CELF1: variants seen among roughly 807,000 people sequenced by gnomAD.
CELF1 encodes CUGBP Elav-like family member 1, also known as 50 kDa nuclear polyadenylated RNA-binding protein.
A neutral mutation model predicts 61.8 loss-of-function variants in CELF1; 10 were observed. The ratio of observed to expected loss-of-function variants is 0.16; its 90% confidence interval spans 0.10 to 0.27. The LOEUF is 0.27. Ranked by LOEUF, CELF1 falls within the 10% of genes least tolerant of loss-of-function variation. The probability of loss-of-function intolerance (pLI) is 1.00; values close to 1 mark genes in which losing one functional copy is unlikely to be tolerated. For synonymous variants in CELF1, 236 were observed against 225.1 expected (o/e 1.05, Z -0.43); for missense variants, 380 against 639.1 (o/e 0.59, Z 4.37).
intron 7 of CELF1, among the ~76,000 whole-genome samples, chr11:47,483,997 T>C (rs535848659): frequency 9.9e-5 from 15 of 152,260 alleles, no homozygotes; most frequent in South Asian, 4.1e-4. Context: ...CTGGGCCATA[T>C]TGGCTAGGGA....
chr11:47,504,688 G>C (rs1472437189), intron 1 of CELF1, among the ~76,000 whole-genome samples: 3 of 151,268 alleles, frequency 2.0e-5, no homozygotes, highest in African/African-American at 7.3e-5. Flanking sequence ...GATCACCTAA[G>C]GTCAGGAGTT....
intron 2 of CELF1, among the ~76,000 whole-genome samples, chr11:47,562,430 G>T (rs1051033067): frequency 6.7e-6 from 1 of 148,532 alleles, no homozygotes; most frequent in Non-Finnish European, 1.5e-5. Flanking sequence ...TCAGGAGGCT[G>T]AGGTGGGAGA....
chr11:47,496,025 C>G lies in CELF1; in HGVS notation c.71+3428G>C, dbSNP rs544932301. 222 of 985,122 alleles carry G rather than the reference C, an allele frequency of 2.3e-4. 1 individual carries two copies. The highest frequency in any genetic ancestry group is 5.5e-4 in the Admixed American group (9 of 16,266). 61.0% of individuals were successfully genotyped at this position (985,122 alleles called of 1,614,324 possible). ...CCACCCACCCTTATACAAGGTCCCT[C>G]TGGCTCACATACAGTGCTGTGGAAA... is the stretch of plus-strand genomic sequence containing the variant. On this transcript the variant is annotated intron_variant, in intron 3 of 14. Coordinates refer to ENST00000687097, the MANE Select transcript of CELF1 (RefSeq NM_001376376.1).
intron 3 of CELF1, among the ~76,000 whole-genome samples, chr11:47,489,935 G>GTTTTTTTTTTTGTTTTT (rs2090277384): frequency 2.1e-5 from 1 of 48,226 alleles, no homozygotes; most frequent in Non-Finnish European, 3.9e-5. Flanking sequence ...ATACCATCTT[G>GTTTTTTTTTTTGTTTTT]TTTTTTTTTT....
intron 1 of CELF1, among the ~76,000 whole-genome samples, chr11:47,523,006 T>C (rs1211793433): frequency 6.6e-6 from 1 of 151,966 alleles, no homozygotes; most frequent in Non-Finnish European, 1.5e-5. Flanking sequence ...CCTGTTAGAG[T>C]CCAGTATATC....
upstream of CELF1, among the ~76,000 whole-genome samples, chr11:47,556,437 G>A (rs566736967): frequency 3.3e-5 from 5 of 152,116 alleles, no homozygotes; most frequent in Non-Finnish European, 5.9e-5. Flanking sequence ...CTCCCCACTC[G>A]GCCTTCCGAA....
At chr11:47,515,584 T>G (rs914899696) in intron 1 of CELF1, among the ~76,000 whole-genome samples, 1 of 152,200 alleles carries the variant, frequency 6.6e-6, no homozygotes, top group African/African-American at 2.4e-5. Flanking sequence ...AGGCAGAATG[T>G]GACTAATTTT....
chr11:47,505,496 AGCCG>A (rs1171834916), intron 1 of CELF1, among the ~76,000 whole-genome samples: 2 of 150,720 alleles, frequency 1.3e-5, no homozygotes, highest in African/African-American at 4.9e-5. Flanking sequence ...CAAAAAAATT[AGCCG>A]GCCATGGTGG....
In CELF1 at chr11:47,470,729, TCC is replaced by T; in HGVS notation, c.*1499_*1500del. On this transcript the variant is annotated 3_prime_UTR_variant, in exon 15 of 15. Coordinates refer to ENST00000687097, the MANE Select transcript of CELF1 (RefSeq NM_001376376.1). ...AGATTCCAGAGACCCAGGGATCCCA[TCC>T]CTGGCTGTGGCTACAGTCACATCTT... 6.6e-6 allele frequency: 1 copy of T among 152,102 alleles called. No individual in the cohort carries two copies. The highest frequency in any genetic ancestry group is 1.5e-5 in the Non-Finnish European group (1 of 68,022). The allele number at this position is 152,102 out of a possible 1,614,324, so 9.4% of individuals were successfully genotyped here. A position where few individuals can be genotyped will look rare whatever the true frequency, so the allele number is the denominator to read the frequency against.
In CELF1 at chr11:47,466,810, G is replaced by A. The variant is rs536704719; in HGVS notation, c.*5420C>T. On this transcript the variant is annotated 3_prime_UTR_variant, in exon 15 of 15. Coordinates refer to ENST00000687097, the MANE Select transcript of CELF1 (RefSeq NM_001376376.1). Reference sequence around the variant, plus strand: ...TGCTTCTCAATACACAGGAAGGGGAGCCTCAGTGCCTCCTGCCAACAGAGG... The same window carrying A: ...TGCTTCTCAATACACAGGAAGGGGAACCTCAGTGCCTCCTGCCAACAGAGG... 1.3e-5 allele frequency: 2 copies of A among 152,346 alleles called. No homozygotes were observed. The highest frequency in any genetic ancestry group is 3.9e-4 in the East Asian group (2 of 5,188). The allele number at this position is 152,346 out of a possible 1,614,324, so 9.4% of individuals were successfully genotyped here. A position where few individuals can be genotyped will look rare whatever the true frequency, so the allele number is the denominator to read the frequency against.
rs544458768 is a variant in CELF1 at position 47,537,245 on chromosome 11, ATTT to A, written c.-154+15744_-154+15746del. Among the ~76,000 whole-genome samples the A allele has an allele frequency of 2.2e-4, 30 of 134,054 alleles. No homozygotes were observed. In the South Asian group the frequency reaches 4.0e-3, roughly 18 times the overall value. The allele number at this position is 134,054 out of a possible 152,430, so 87.9% of individuals were successfully genotyped here. A position where few individuals can be genotyped will look rare whatever the true frequency, so the allele number is the denominator to read the frequency against. ...GCTCCACAAGGTTTTTACCATACAAATTTTTTTTTTTTTTTTTTTTGGGACAGA... is the reference window on the plus strand; with the variant it reads ...GCTCCACAAGGTTTTTACCATACAAATTTTTTTTTTTTTTTTTGGGACAGA... On this transcript the variant is annotated intron_variant, in intron 1 of 14. Coordinates refer to ENST00000687097, the MANE Select transcript of CELF1 (RefSeq NM_001376376.1).
At chr11:47,549,771 A>G (rs1235268832) in intron 1 of CELF1, among the ~76,000 whole-genome samples, 1 of 152,018 alleles carries the variant, frequency 6.6e-6, no homozygotes, top group African/African-American at 2.4e-5. Context: ...ACTTAATGTC[A>G]CAGAACACTT....
At chr11:47,485,069 C>T (rs1043577834) in intron 6 of CELF1, among the ~76,000 whole-genome samples, 2 of 152,306 alleles carry the variant, frequency 1.3e-5, no homozygotes, top group South Asian at 4.1e-4. Context: ...GTGAAAGTTA[C>T]TCAACCATTC....
At chr11:47,489,935 G>GTTTTTTTATTTTTTTTTTTTT (rs2090255781) in intron 3 of CELF1, among the ~76,000 whole-genome samples, 2 of 48,226 alleles carry the variant, frequency 4.1e-5, no homozygotes, top group Non-Finnish European at 7.8e-5. Context: ...ATACCATCTT[G>GTTTTTTTATTTTTTTTTTTTT]TTTTTTTTTT....
intron 1 of CELF1, among the ~76,000 whole-genome samples, chr11:47,538,642 C>CAAAAAA (rs33969247): frequency 1.8e-5 from 2 of 108,574 alleles, no homozygotes; most frequent in African/African-American, 4.4e-5. Context: ...GACTCCGTCT[C>CAAAAAA]AAAAAAAAAA....
At chr11:47,496,135 G>C (rs2093047099) in intron 3 of CELF1, 1 of 212,288 alleles carries the variant, frequency 4.7e-6, no homozygotes. Flanking sequence ...GTGAGAACAA[G>C]ACAGAATAAT....
At chr11:47,512,484 G>A (rs538744428) in intron 1 of CELF1, among the ~76,000 whole-genome samples, 2 of 147,742 alleles carry the variant, frequency 1.4e-5, no homozygotes, top group East Asian at 2.0e-4. Context: ...TAGAGATGAG[G>A]GATCACTCTG....
At chr11:47,561,287 C>G (rs1272017565) in intron 2 of CELF1, among the ~76,000 whole-genome samples, 2 of 150,764 alleles carry the variant, frequency 1.3e-5, no homozygotes, top group Non-Finnish European at 3.0e-5. Context: ...ACTAAAAATA[C>G]AAAAAATAAG....
At chr11:47,494,704 T>C (rs939909891) in intron 3 of CELF1, among the ~76,000 whole-genome samples, 3 of 152,338 alleles carry the variant, frequency 2.0e-5, no homozygotes, top group East Asian at 3.9e-4. Context: ...AGCTGATCCA[T>C]TGGCTGGCCA....
Sources: gnomAD v4.1 joint callset for allele counts (sites outside exome capture counted in the v4.1 genomes callset) on GRCh38, gnomAD v4.1.1 for gene constraint, MANE v1.5 for transcripts, NCBI Gene and HGNC (gene_info 2026-07-23, HGNC 2026-07-21) for gene names.